The following ELAVL1 variants were observed in gnomAD, a reference collection of about 807,000 sequenced individuals.
ELAVL1 encodes the protein ELAV like RNA binding protein 1, also known as ELAV-like protein 1.
In ELAVL1, 1 loss-of-function variant was observed where a neutral mutation model predicts 28.4. The ratio of observed to expected loss-of-function variants is 0.04; its 90% CI spans 0.01 to 0.17. ELAVL1 has a LOEUF of 0.17. ELAVL1 is among the 10% of genes least tolerant of loss of function. The pLI, the probability that ELAVL1 is intolerant of heterozygous loss-of-function variation, is 1.00. For missense variants in ELAVL1, 157 were observed against 447.2 expected (o/e 0.35, Z 5.85); for synonymous variants, 174 against 183.5 (o/e 0.95, Z 0.42).
At chr19:7,966,948 G>C (rs575136464) in intron 5 of ELAVL1, among the ~76,000 whole-genome samples, 18 of 152,072 alleles carry the variant, frequency 1.2e-4, no homozygotes, top group African/African-American at 4.1e-4. Context: ...TCGCGGCTCC[G>C]TTCTGCTGTT....
chr19:8,004,933 A>C (rs1289890862), intron 1 of ELAVL1, among the ~76,000 whole-genome samples: 1 of 151,938 alleles, frequency 6.6e-6, no homozygotes, highest in Non-Finnish European at 1.5e-5. Flanking sequence ...CGCCCCACAA[A>C]CAGCTTTGTT....
At chr19:8,001,942 G>T in intron 1 of ELAVL1, 1 of 825,880 alleles carries the variant, frequency 1.2e-6, no homozygotes, top group Non-Finnish European at 1.7e-6. Context: ...CCATTACGGG[G>T]CCACCTCAGT....
rs1199279457 is a variant in ELAVL1, at chr19:7,976,198, C to G, written c.277-2320G>C. 2.7e-5 allele frequency among the ~76,000 whole-genome samples: 4 copies of G among 150,776 alleles called. No homozygotes were observed. In the South Asian group the frequency reaches 6.3e-4, roughly 24 times the overall value. ...CGGGTGGATCACGAGGTCAGGAGAT[C>G]GAGACCATCCTGGCTAACATGGTGA... On this transcript the variant is annotated intron_variant, in intron 3 of 5. Coordinates refer to ENST00000407627, the MANE Select transcript of ELAVL1 (RefSeq NM_001419.3).
intron 2 of ELAVL1, among the ~76,000 whole-genome samples, chr19:7,990,784 AG>A (rs1325180304): frequency 1.3e-5 from 2 of 151,934 alleles, no homozygotes; most frequent in East Asian, 1.9e-4. Context: ...AAAGGAAGGC[AG>A]GGGGGTAGGG....
At chr19:7,977,727 C>T (rs182950864) in intron 3 of ELAVL1, among the ~76,000 whole-genome samples, 6 of 152,354 alleles carry the variant, frequency 3.9e-5, no homozygotes, top group Middle Eastern at 6.8e-3. Context: ...GAGGACAGAG[C>T]GGACGGGGTG....
intron 3 of ELAVL1, among the ~76,000 whole-genome samples, chr19:7,977,133 C>T (rs946328140): frequency 4.6e-5 from 7 of 152,192 alleles, no homozygotes; most frequent in Non-Finnish European, 8.8e-5. Context: ...GTGGAGTGCG[C>T]AGTAGCCACT....
chr19:7,981,267 C>T lies in ELAVL1; in HGVS notation c.173-81G>A. ...GGGAGGTCGGGAAGCACTATATCTG[C>T]CTGGCCTTTGGGAAATGGGATTACA... is the stretch of plus-strand genomic sequence containing the variant. On this transcript the variant is annotated intron_variant, in intron 2 of 5. Transcript: ENST00000407627. The surrounding 1 kb of genome is among the most constrained non-coding windows in gnomAD (Gnocchi z 4.2). The T allele has an allele frequency of 7.2e-7, 1 of 1,386,566 alleles. No individual in the cohort carries two copies. Among genetic ancestry groups the T allele is most frequent in the East Asian group, 2.3e-5 (1 of 43,394 alleles). 85.9% of individuals were successfully genotyped at this position (1,386,566 alleles called of 1,614,324 possible).
intron 5 of ELAVL1, among the ~76,000 whole-genome samples, chr19:7,964,957 C>T (rs1405127996): frequency 6.6e-6 from 1 of 152,200 alleles, no homozygotes; most frequent in African/African-American, 2.4e-5. Context: ...CAGGCTATGG[C>T]CCTATCAGCC....
At position 7,958,733 on chromosome 19, in the gene ELAVL1, T is replaced by C. The variant is rs1984726656; in HGVS notation, c.*4750A>G. On this transcript the variant is annotated 3_prime_UTR_variant, in exon 6 of 6. Coordinates refer to ENST00000407627, the MANE Select transcript of ELAVL1 (RefSeq NM_001419.3). ...CCACGCCCCAAACCGCATCACTCCG[T>C]ACTTCAAAAATACGATTTTTTGAGA... The C allele has an allele frequency of 6.6e-6, 1 of 152,540 alleles. No individual in the cohort carries two copies. The highest frequency in any genetic ancestry group is 2.1e-4 in the South Asian group (1 of 4,830). The allele number at this position is 152,540 out of a possible 1,614,324, so 9.4% of individuals were successfully genotyped here.
intron 4 of ELAVL1, among the ~76,000 whole-genome samples, chr19:7,969,005 G>A (rs556961200): frequency 3.9e-5 from 6 of 152,298 alleles, no homozygotes; most frequent in South Asian, 2.1e-4. Flanking sequence ...ATCACTAGGC[G>A]GGAGTCACGG....
intron 1 of ELAVL1, among the ~76,000 whole-genome samples, chr19:7,999,514 T>C (rs765111499): frequency 6.6e-6 from 1 of 152,218 alleles, no homozygotes; most frequent in African/African-American, 2.4e-5. Flanking sequence ...CAATGACCAA[T>C]GTCAGTGGTG....
At chr19:7,978,651 G>A (rs1985369745) in intron 3 of ELAVL1, among the ~76,000 whole-genome samples, 1 of 152,202 alleles carries the variant, frequency 6.6e-6, no homozygotes, top group Non-Finnish European at 1.5e-5. Context: ...CATCAGAAGT[G>A]TGAGTTCCAG....
At chr19:7,994,039 C>T (rs939878762) in intron 1 of ELAVL1, among the ~76,000 whole-genome samples, 9 of 152,118 alleles carry the variant, frequency 5.9e-5, no homozygotes, top group African/African-American at 1.7e-4. Context: ...TCCTATGCTC[C>T]CTGCTCTTTA....
chr19:7,969,984 T>C lies in ELAVL1; in HGVS notation c.431-2194A>G, dbSNP rs148146569. On this transcript the variant is annotated intron_variant, in intron 4 of 5. Coordinates refer to ENST00000407627, the MANE Select transcript of ELAVL1 (RefSeq NM_001419.3). ...CCCTAGTGTTTTTTATTTTTAATTT[T>C]TTTTTTAAGATGGAGTCTCGCTCTG... Among the ~76,000 whole-genome samples, 140 of 152,278 alleles carry C rather than the reference T, an allele frequency of 9.2e-4. 1 individual carries two copies. Among genetic ancestry groups the C allele is most frequent in the African/African-American group, 3.3e-3 (136 of 41,556 alleles).
chr19:7,973,988 G>T, intron 3 of ELAVL1, 110 bp from the exon 4 acceptor site: 1 of 1,371,850 alleles, frequency 7.3e-7, no homozygotes, highest in Non-Finnish European at 1.0e-6. Context: ...TAGAAATCAT[G>T]CAGGGAACGA....
chr19:8,003,392 A>G (rs1367876889), intron 1 of ELAVL1, among the ~76,000 whole-genome samples: 5 of 140,944 alleles, frequency 3.5e-5, no homozygotes, highest in African/African-American at 1.1e-4. Context: ...AAAAAAAAAA[A>G]AAAAGAAATA....
In ELAVL1 at chr19:7,973,774, A is replaced by G. The variant is rs549532291; in HGVS notation, c.381T>C (p.Ser127=). The change falls in exon 4 of 6, where the codon TCT becomes TCC. Residue 127 remains serine (S), a synonymous_variant. Coordinates refer to ENST00000407627, the MANE Select transcript of ELAVL1 (RefSeq NM_001419.3). ...GCGAGTTGATGATCCGCCCAAACCG[A>G]GAGAACATGTCTTCTACGTCCTTCT... The part of the protein sequence containing the change: ...MTQKDVEDMF[S]RFGRIINSRV... 8 of 1,614,068 alleles carry G rather than the reference A, an allele frequency of 5.0e-6. No homozygotes were observed. In the African/African-American group the frequency reaches 6.7e-5, roughly 13 times the overall value.
intron 2 of ELAVL1, among the ~76,000 whole-genome samples, chr19:7,984,603 C>T (rs1487173186): frequency 6.6e-6 from 1 of 152,182 alleles, no homozygotes; most frequent in Non-Finnish European, 1.5e-5. Context: ...AGAGGAATGC[C>T]CCACCCAGAG....
chr19:7,988,726 G>A (rs1985670700), intron 2 of ELAVL1, among the ~76,000 whole-genome samples: 1 of 152,256 alleles, frequency 6.6e-6, no homozygotes, highest in Non-Finnish European at 1.5e-5. Context: ...GGCCAGGGAT[G>A]CTGCTCAACA....
Sources: allele counts gnomAD v4.1 joint callset (sites outside exome capture counted in the v4.1 genomes callset), GRCh38; gene constraint gnomAD v4.1.1; non-coding constraint Gnocchi (gnomAD v3.1); transcripts MANE v1.5; gene names NCBI Gene and HGNC (gene_info 2026-07-23, HGNC 2026-07-21).